The following KHDRBS2 variants were observed in gnomAD, a reference collection of about 807,000 sequenced individuals.
KHDRBS2 encodes the protein KH domain-containing, RNA-binding, signal transduction-associated protein 2.
KHDRBS2 carries 26 observed loss-of-function variants against 44.3 expected under a neutral mutation model. That is an observed-to-expected ratio of 0.59 (90% CI 0.43 to 0.81). KHDRBS2 has a LOEUF of 0.81. Among genes scored for constraint, KHDRBS2 ranks in the 40% least tolerant of loss-of-function variants. KHDRBS2 has a pLI of 0.00. For missense variants in KHDRBS2, 476 were observed against 433.1 expected (o/e 1.10, Z -0.88); for synonymous variants, 194 against 151.1 (o/e 1.28, Z -2.08).
chr6:61,956,497 T>C (rs1767359797), intron 4 of KHDRBS2, among the ~76,000 whole-genome samples: 1 of 152,136 alleles, frequency 6.6e-6, no homozygotes, highest in South Asian at 2.1e-4. Context: ...CTTTTTTTAC[T>C]TCTCCAGGAT....
chr6:61,759,110 C>T (rs1340169766), intron 6 of KHDRBS2, among the ~76,000 whole-genome samples: 2 of 152,006 alleles, frequency 1.3e-5, no homozygotes, highest in African/African-American at 2.4e-5. Flanking sequence ...GACTTCAAGC[C>T]TTTTAAAGCA....
chr6:61,759,308 T>A (rs1270407116), intron 6 of KHDRBS2, among the ~76,000 whole-genome samples: 1 of 152,218 alleles, frequency 6.6e-6, no homozygotes, highest in Non-Finnish European at 1.5e-5. Flanking sequence ...GTCGTATTTA[T>A]GGTTTTGCAT....
intron 2 of KHDRBS2, among the ~76,000 whole-genome samples, chr6:62,116,050 T>A (rs1175295687): frequency 6.6e-6 from 1 of 152,032 alleles, no homozygotes; most frequent in African/African-American, 2.4e-5. Context: ...ACTTCAGATA[T>A]TTCATCATCA....
At chr6:61,705,836 G>T (rs1769437349) in intron 7 of KHDRBS2, among the ~76,000 whole-genome samples, 1 of 151,710 alleles carries the variant, frequency 6.6e-6, no homozygotes, top group Admixed American at 6.6e-5. Flanking sequence ...AGCTTTCTCA[G>T]ATACCCAATA....
chr6:62,157,168 T>C (rs765089401), intron 2 of KHDRBS2, among the ~76,000 whole-genome samples: 3 of 150,830 alleles, frequency 2.0e-5, no homozygotes, highest in Non-Finnish European at 3.0e-5. Flanking sequence ...ATCCTGGCCA[T>C]CATGGTGAAA....
the KHDRBS2 span, among the ~76,000 whole-genome samples, chr6:61,651,832 A>G: frequency 6.6e-6 from 1 of 152,116 alleles, no homozygotes; most frequent in Non-Finnish European, 1.5e-5. Context: ...TCCAGATTGT[A>G]CTGGTAAAGA....
chr6:62,270,447 T>A (rs1839910615), intron 1 of KHDRBS2, among the ~76,000 whole-genome samples: 1 of 151,560 alleles, frequency 6.6e-6, no homozygotes. Context: ...TTATGCTTCC[T>A]GTGAGGCCTG....
chr6:61,829,027 C>T (rs1045117172), intron 6 of KHDRBS2, among the ~76,000 whole-genome samples: 2 of 152,182 alleles, frequency 1.3e-5, no homozygotes, highest in Non-Finnish European at 2.9e-5. Flanking sequence ...GCCTTTAACT[C>T]CAGAGAGTTA....
intron 6 of KHDRBS2, among the ~76,000 whole-genome samples, chr6:61,846,987 C>A (rs1794511406): frequency 6.6e-6 from 1 of 151,774 alleles, no homozygotes. Flanking sequence ...AAGTAAATTA[C>A]AACTGTCATA....
chr6:61,949,398 G>A (rs1209213994), intron 4 of KHDRBS2, among the ~76,000 whole-genome samples: 1 of 151,986 alleles, frequency 6.6e-6, no homozygotes, highest in Non-Finnish European at 1.5e-5. Context: ...CAAACAGAAT[G>A]ACCTTCCCTT....
At chr6:62,075,062 CACTT>C (rs1258781552) in intron 2 of KHDRBS2, among the ~76,000 whole-genome samples, 1 of 151,906 alleles carries the variant, frequency 6.6e-6, no homozygotes, top group Non-Finnish European at 1.5e-5. Flanking sequence ...GTGAGAGTAA[CACTT>C]ACATTTTGTA....
chr6:61,826,980 T>A (rs1455322880), intron 6 of KHDRBS2, among the ~76,000 whole-genome samples: 1 of 152,186 alleles, frequency 6.6e-6, no homozygotes, highest in Non-Finnish European at 1.5e-5. Context: ...GAACATAATT[T>A]TAGCAAGGAA....
chr6:62,211,573 G>A (rs1037121959), intron 1 of KHDRBS2, among the ~76,000 whole-genome samples: 9 of 152,172 alleles, frequency 5.9e-5, no homozygotes, highest in African/African-American at 2.2e-4. Context: ...TACTTGTGAT[G>A]ATGATATTTT....
intron 2 of KHDRBS2, among the ~76,000 whole-genome samples, chr6:62,116,353 A>T: frequency 6.6e-6 from 1 of 152,058 alleles, no homozygotes; most frequent in East Asian, 1.9e-4. Flanking sequence ...CATTTCCAAC[A>T]TCCCCCAGCC....
chr6:61,873,796 A>C (rs1454249516), intron 6 of KHDRBS2, among the ~76,000 whole-genome samples: 2 of 152,084 alleles, frequency 1.3e-5, no homozygotes, highest in African/African-American at 2.4e-5. Flanking sequence ...TTCTTTTTAA[A>C]GTTTAGAAAG....
At chr6:61,602,872 C>T in the KHDRBS2 span, among the ~76,000 whole-genome samples, 4 of 152,156 alleles carry the variant, frequency 2.6e-5, no homozygotes, top group Non-Finnish European at 4.4e-5. Flanking sequence ...TAGGTCAAGA[C>T]ATTTTAACTA....
intron 6 of KHDRBS2, among the ~76,000 whole-genome samples, chr6:61,772,372 A>T (rs1781076203): frequency 6.6e-6 from 1 of 152,204 alleles, no homozygotes; most frequent in Non-Finnish European, 1.5e-5. Context: ...AAAATTAATG[A>T]ATCCAGGAGC....
intron 4 of KHDRBS2, among the ~76,000 whole-genome samples, chr6:61,917,764 T>C (rs1807293776): frequency 6.6e-6 from 1 of 151,978 alleles, no homozygotes; most frequent in African/African-American, 2.4e-5. Flanking sequence ...TTTACCTTCC[T>C]GTCAATTTTG....
At chr6:62,074,410 G>T (rs972723930) in intron 2 of KHDRBS2, among the ~76,000 whole-genome samples, 10 of 151,696 alleles carry the variant, frequency 6.6e-5, no homozygotes, top group African/African-American at 2.4e-4. Context: ...TGGTCTTTGT[G>T]ACTATAGTCC....
Sources: allele counts gnomAD v4.1 joint callset (sites outside exome capture counted in the v4.1 genomes callset), GRCh38; gene constraint gnomAD v4.1.1; transcripts MANE v1.5; gene names NCBI Gene and HGNC (gene_info 2026-07-23, HGNC 2026-07-21).